The following PRKACB variants were observed in gnomAD, a reference collection of about 807,000 sequenced individuals.
The protein encoded by PRKACB is cAMP-dependent protein kinase catalytic subunit beta.
In PRKACB, 16 loss-of-function variants were observed where a neutral mutation model predicts 51.4. The ratio of observed to expected loss-of-function variants is 0.31; its 90% CI spans 0.21 to 0.47. The LOEUF is 0.47. PRKACB is among the 20% of genes least tolerant of loss of function. The pLI, the probability that PRKACB is intolerant of heterozygous loss-of-function variation, is 1.00. For missense variants in PRKACB, 309 were observed against 464.5 expected, an observed-to-expected ratio of 0.67 and a Z score of 3.08; for synonymous variants, 147 against 154.4, an observed-to-expected ratio of 0.95 and a Z score of 0.35.
intron 1 of PRKACB, among the ~76,000 whole-genome samples, chr1:84,105,815 A>G (rs1440052274): frequency 6.6e-6 from 1 of 151,886 alleles, no homozygotes; most frequent in Non-Finnish European, 1.5e-5. Context: ...TGACCTCAGG[A>G]GATCCACCTG....
chr1:84,196,048 G>T (rs533456981), intron 5 of PRKACB, among the ~76,000 whole-genome samples: 98 of 152,222 alleles, frequency 6.4e-4, no homozygotes, highest in African/African-American at 2.2e-3. Context: ...TTCTGAATAG[G>T]TTTATGAGTA....
chr1:84,116,714 T>C (rs1650664758), intron 1 of PRKACB, among the ~76,000 whole-genome samples: 2 of 152,160 alleles, frequency 1.3e-5, no homozygotes, highest in Non-Finnish European at 2.9e-5. Flanking sequence ...CAGGGAGTTT[T>C]TGGTGAAGTC....
At chr1:84,187,333 A>C (rs963438456) in intron 5 of PRKACB, among the ~76,000 whole-genome samples, 2 of 152,180 alleles carry the variant, frequency 1.3e-5, no homozygotes, top group Non-Finnish European at 2.9e-5. Flanking sequence ...GTGAATTTTA[A>C]ATTACAATAT....
At chr1:84,131,824 G>T (rs1006298303) in intron 1 of PRKACB, among the ~76,000 whole-genome samples, 1 of 152,348 alleles carries the variant, frequency 6.6e-6, no homozygotes, top group South Asian at 2.1e-4. Context: ...ACCTCTGGGA[G>T]CAGCAGTCTT....
At chr1:84,209,831 T>C (rs189708693) in intron 8 of PRKACB, among the ~76,000 whole-genome samples, 27 of 152,334 alleles carry the variant, frequency 1.8e-4, no homozygotes, top group African/African-American at 6.5e-4. Context: ...CTGAGATATA[T>C]TAGTAAGCAC....
At chr1:84,105,420 A>G (rs887994168) in intron 1 of PRKACB, among the ~76,000 whole-genome samples, 1 of 152,160 alleles carries the variant, frequency 6.6e-6, no homozygotes, top group African/African-American at 2.4e-5. Context: ...TCTCAACTCA[A>G]TAATTTACAG....
At chr1:84,121,833 G>C (rs954870882) in intron 1 of PRKACB, among the ~76,000 whole-genome samples, 1 of 151,986 alleles carries the variant, frequency 6.6e-6, no homozygotes, top group Non-Finnish European at 1.5e-5. Context: ...GGCAATTTAT[G>C]ATTCCCTTGC....
chr1:84,230,979 G>A (rs1256115391), intron 9 of PRKACB, among the ~76,000 whole-genome samples: 4 of 143,186 alleles, frequency 2.8e-5, no homozygotes, highest in Non-Finnish European at 4.5e-5. Flanking sequence ...GAATAGGAGT[G>A]GTGAGAGAGG....
intron 9 of PRKACB, among the ~76,000 whole-genome samples, chr1:84,227,543 A>T (rs1674831762): frequency 6.6e-6 from 1 of 152,140 alleles, no homozygotes; most frequent in Non-Finnish European, 1.5e-5. Flanking sequence ...TATTCCTATT[A>T]TGTGTTTAAT....
intron 1 of PRKACB, chr1:84,157,279 C>CTACCAGCCT (rs1405149403): frequency 3.9e-5 from 6 of 152,132 alleles, no homozygotes; most frequent in African/African-American, 1.4e-4. Context: ...TAATGGATGC[C>CTACCAGCCT]TACCAGCCTT....
chr1:84,139,251 AGAC>A (rs1286522713), intron 1 of PRKACB, among the ~76,000 whole-genome samples: 1 of 152,202 alleles, frequency 6.6e-6, no homozygotes, highest in Non-Finnish European at 1.5e-5. Flanking sequence ...TCCTGTTGAA[AGAC>A]GACATGACTG....
intron 1 of PRKACB, among the ~76,000 whole-genome samples, chr1:84,099,308 T>A (rs1353508952): frequency 6.6e-6 from 1 of 152,096 alleles, no homozygotes; most frequent in Non-Finnish European, 1.5e-5. Flanking sequence ...GATAATATAT[T>A]CAGTGCATTT....
chr1:84,167,246 A>G (rs1326611697), intron 1 of PRKACB, among the ~76,000 whole-genome samples: 2 of 151,558 alleles, frequency 1.3e-5, no homozygotes, highest in Admixed American at 1.3e-4. Context: ...AAATATGCCC[A>G]TTTTTTAAAC....
intron 1 of PRKACB, among the ~76,000 whole-genome samples, chr1:84,115,886 CAAAAAAAAAAAA>C (rs60541006): frequency 4.2e-4 from 27 of 63,836 alleles, no homozygotes; most frequent in African/African-American, 1.5e-3. Context: ...ACTCTTGTCT[CAAAAAAAAAAAA>C]AAAAAAAAAA....
chr1:84,214,553 C>T (rs1230852759), intron 9 of PRKACB, among the ~76,000 whole-genome samples: 1 of 146,336 alleles, frequency 6.8e-6, no homozygotes. Flanking sequence ...AGTGCAGTGG[C>T]ACAATCTCTG....
chr1:84,172,682 AT>A (rs1659929834), intron 1 of PRKACB, among the ~76,000 whole-genome samples: 1 of 149,466 alleles, frequency 6.7e-6, no homozygotes, highest in Non-Finnish European at 1.5e-5. Context: ...ATATAAAACT[AT>A]AGTAAAAATT....
chr1:84,159,248 A>G (rs1430037284), intron 1 of PRKACB, among the ~76,000 whole-genome samples: 1 of 152,126 alleles, frequency 6.6e-6, no homozygotes, highest in Non-Finnish European at 1.5e-5. Flanking sequence ...TATTTTAACA[A>G]TTTTGAGTCT....
intron 9 of PRKACB, among the ~76,000 whole-genome samples, chr1:84,227,856 A>G (rs984509079): frequency 9.9e-5 from 15 of 152,254 alleles, no homozygotes; most frequent in African/African-American, 3.4e-4. Flanking sequence ...CAAAAATCAT[A>G]GTAAATATGA....
chr1:84,147,487 T>A (rs1654260826), intron 1 of PRKACB, among the ~76,000 whole-genome samples: 1 of 152,080 alleles, frequency 6.6e-6, no homozygotes, highest in African/African-American at 2.4e-5. Flanking sequence ...TAATAGTCAA[T>A]TTCTACTCAT....
Sources: gnomAD v4.1 joint callset for allele counts (sites outside exome capture counted in the v4.1 genomes callset) on GRCh38, gnomAD v4.1.1 for gene constraint, MANE v1.5 for transcripts, NCBI Gene and HGNC (gene_info 2026-07-23, HGNC 2026-07-21) for gene names.